Variants in RPRD1B observed in about 807,000 individuals in gnomAD.
The protein encoded by RPRD1B is regulation of nuclear pre-mRNA domain-containing protein 1B.
In RPRD1B, 11 loss-of-function variants were observed where a neutral mutation model predicts 41.5. The ratio of observed to expected loss-of-function variants is 0.27; its 90% confidence interval spans 0.17 to 0.44. The LOEUF is 0.44. Ranked by LOEUF, RPRD1B falls within the 20% of genes least tolerant of loss-of-function variation. The pLI is 1.00. For synonymous variants in RPRD1B, 158 were observed against 155.6 expected (o/e 1.02, Z -0.12); for missense variants, 248 against 389.9 (o/e 0.64, Z 3.06).
chr20:38,049,966 A>G (rs570451861), intron 3 of RPRD1B, among the ~76,000 whole-genome samples: 3 of 152,074 alleles, frequency 2.0e-5, no homozygotes, highest in African/African-American at 7.2e-5. Flanking sequence ...CTTCCTTTCC[A>G]TCTGCTGTTA....
chr20:38,065,753 C>T lies in RPRD1B; in HGVS notation c.656-328C>T, dbSNP rs1458885509. The T allele has an allele frequency of 4.2e-5, 8 of 189,992 alleles. No individual in the cohort carries two copies. In the South Asian group the frequency reaches 7.1e-4, roughly 17 times the overall value. 11.8% of individuals were successfully genotyped at this position (189,992 alleles called of 1,614,324 possible). The stretch of plus-strand genomic sequence containing the variant: ...ACTTGCAATTCTCAGAGACAAGGAA[C>T]GATTTTTTCACAGGTGATCTTCAAT... On this transcript the variant is annotated intron_variant, in intron 5 of 6. Coordinates refer to ENST00000373433, the MANE Select transcript of RPRD1B (RefSeq NM_021215.4).
rs555578838 is a variant in RPRD1B at position 38,033,788 on chromosome 20, T to G, written c.-160T>G. The stretch of plus-strand genomic sequence containing the variant: ...TGGCGGCGGCGCGGGCGGCTGTTAC[T>G]GCGGAGACCCATCCCCTCCCCCTTC... On this transcript the variant is annotated 5_prime_UTR_variant, in exon 1 of 7. Transcript: ENST00000373433. 949 of 666,628 alleles carry G rather than the reference T, an allele frequency of 1.4e-3. 6 individuals carry two copies. The African/African-American group carries it at 0.015, about 11-fold the overall frequency. The allele number at this position is 666,628 out of a possible 1,614,324, so 41.3% of individuals were successfully genotyped here. A position where few individuals can be genotyped will look rare whatever the true frequency, so the allele number is the denominator to read the frequency against.
intron 2 of RPRD1B, among the ~76,000 whole-genome samples, chr20:38,045,941 G>A (rs2074116173): frequency 6.6e-6 from 1 of 152,128 alleles, no homozygotes; most frequent in African/African-American, 2.4e-5. Context: ...CTTTAATATG[G>A]CATTCAGGGC....
In RPRD1B at chr20:38,090,518, A is replaced by G; in HGVS notation, c.*643A>G. 1 of 985,970 alleles carries G rather than the reference A, an allele frequency of 1.0e-6. No individual in the cohort carries two copies. Among genetic ancestry groups the G allele is most frequent in the Non-Finnish European group, 1.2e-6 (1 of 829,976 alleles). 61.1% of individuals were successfully genotyped at this position (985,970 alleles called of 1,614,324 possible). Reference sequence around the variant, plus strand: ...AAGATTCAAAGCTAATCTGGAGCATAAAGGCACAGTTCAGAGACAGAATAA... The same window carrying G: ...AAGATTCAAAGCTAATCTGGAGCATGAAGGCACAGTTCAGAGACAGAATAA... On this transcript the variant is annotated 3_prime_UTR_variant, in exon 7 of 7. Coordinates refer to ENST00000373433, the MANE Select transcript of RPRD1B (RefSeq NM_021215.4).
intron 3 of RPRD1B, among the ~76,000 whole-genome samples, chr20:38,055,318 T>C (rs1253400107): frequency 6.6e-6 from 1 of 152,362 alleles, no homozygotes; most frequent in South Asian, 2.1e-4. Flanking sequence ...ATAATTTAGA[T>C]ACATATCAGA....
At chr20:38,088,615 G>C (rs1035878956) in intron 6 of RPRD1B, among the ~76,000 whole-genome samples, 10 of 152,240 alleles carry the variant, frequency 6.6e-5, no homozygotes, top group African/African-American at 2.4e-4. Context: ...ATGGCCTAGG[G>C]TTGTTTTCTA....
intron 4 of RPRD1B, among the ~76,000 whole-genome samples, chr20:38,058,103 A>AG (rs1012473301): frequency 6.7e-6 from 1 of 148,576 alleles, no homozygotes; most frequent in African/African-American, 2.6e-5. Flanking sequence ...GTCTTTACCC[A>AG]TGTGTTTGTG....
chr20:38,067,532 T>C (rs1192848234), intron 6 of RPRD1B, among the ~76,000 whole-genome samples: 1 of 152,222 alleles, frequency 6.6e-6, no homozygotes, highest in Non-Finnish European at 1.5e-5. Context: ...GTATTTGCCT[T>C]TCAGCATGGT....
chr20:38,036,055 C>T (rs1481467106), intron 1 of RPRD1B, among the ~76,000 whole-genome samples: 3 of 152,102 alleles, frequency 2.0e-5, no homozygotes, highest in East Asian at 1.9e-4. Flanking sequence ...TGAGCCACCA[C>T]GCCTGGCCAA....
At chr20:38,089,652 T>A (rs185482029) in intron 6 of RPRD1B, 74 bp from the exon 7 acceptor site, 1 of 1,252,092 alleles carries the variant, frequency 8.0e-7, no homozygotes, top group Admixed American at 1.9e-5. Context: ...CGAGAGTAGC[T>A]GCCCGGCTCC....
intron 3 of RPRD1B, among the ~76,000 whole-genome samples, chr20:38,049,367 C>CTTTTTTTTTTTTTTTTTTT (rs11481142): frequency 2.0e-3 from 186 of 93,376 alleles, no homozygotes; most frequent in Non-Finnish European, 2.6e-3. Flanking sequence ...TTCTTTTTTT[C>CTTTTTTTTTTTTTTTTTTT]TTTTTTTTTT....
chr20:38,067,677 G>C (rs560536629), intron 6 of RPRD1B, among the ~76,000 whole-genome samples: 2 of 152,338 alleles, frequency 1.3e-5, no homozygotes, highest in East Asian at 3.9e-4. Context: ...AGATGGGAAA[G>C]GGCTGTAAAA....
At chr20:38,070,587 T>C in intron 6 of RPRD1B, 1 of 985,456 alleles carries the variant, frequency 1.0e-6, no homozygotes, top group Non-Finnish European at 1.2e-6. Flanking sequence ...GGTTCCTGTC[T>C]TGTCAGCGTG....
At chr20:38,041,276 A>G (rs933302262) in intron 2 of RPRD1B, among the ~76,000 whole-genome samples, 5 of 152,244 alleles carry the variant, frequency 3.3e-5, no homozygotes, top group African/African-American at 1.2e-4. Context: ...ATAAGTAAAT[A>G]TATAAACAGA....
chr20:38,062,834 C>CCCG lies in RPRD1B; in HGVS notation c.656-3245_656-3244insGCC, dbSNP rs1219651354. ...CACCAAATTAAAAGCCAGAGCCCCC[C>CCCG]CCCCTTTTTTTTTTTTTTTGAGATA... On this transcript the variant is annotated intron_variant, in intron 5 of 6. Transcript: ENST00000373433. Among the ~76,000 whole-genome samples, 2 of 98,182 alleles carry CCCG rather than the reference C, an allele frequency of 2.0e-5. 1 individual carries two copies. The highest frequency in any genetic ancestry group is 1.0e-4 in the African/African-American group (2 of 19,980). 64.4% of individuals were successfully genotyped at this position (98,182 alleles called of 152,430 possible). A position where few individuals can be genotyped will look rare whatever the true frequency, so the allele number is the denominator to read the frequency against.
intron 5 of RPRD1B, among the ~76,000 whole-genome samples, chr20:38,065,248 C>A (rs978847132): frequency 3.9e-5 from 6 of 152,174 alleles, no homozygotes; most frequent in African/African-American, 1.4e-4. Context: ...CTTCGAGCCC[C>A]AGCATCTCAG....
intron 4 of RPRD1B, among the ~76,000 whole-genome samples, chr20:38,058,698 A>G (rs2074267910): frequency 6.6e-6 from 1 of 152,122 alleles, no homozygotes; most frequent in Admixed American, 6.6e-5. Flanking sequence ...TGATCAGTCA[A>G]CATATAATTT....
In RPRD1B at chr20:38,090,606, C is replaced by T. The variant is rs1438177329; in HGVS notation, c.*731C>T. ...CTTCAAGTTCCTAGATACAACCTTCCCATGCTGCACTTCTCCACTGTCGGA... is the reference window on the plus strand; with the variant it reads ...CTTCAAGTTCCTAGATACAACCTTCTCATGCTGCACTTCTCCACTGTCGGA... On this transcript the variant is annotated 3_prime_UTR_variant, in exon 7 of 7. Transcript: ENST00000373433. 15 of 985,414 alleles carry T rather than the reference C, an allele frequency of 1.5e-5. No homozygotes were observed. The highest frequency in any genetic ancestry group is 1.7e-5 in the Non-Finnish European group (14 of 829,928). 61.0% of individuals were successfully genotyped at this position (985,414 alleles called of 1,614,324 possible).
In RPRD1B at chr20:38,048,204, G is replaced by A. The variant is rs533501277; in HGVS notation, c.282-144G>A. The A allele has an allele frequency of 3.5e-3, 2,629 of 760,848 alleles. 12 individuals are homozygous for A. Among genetic ancestry groups the A allele is most frequent in the Non-Finnish European group, 4.4e-3 (2,232 of 511,452 alleles). 47.1% of individuals were successfully genotyped at this position (760,848 alleles called of 1,614,324 possible). On this transcript the variant is annotated intron_variant, in intron 2 of 6. Coordinates refer to ENST00000373433, the MANE Select transcript of RPRD1B (RefSeq NM_021215.4). ...TTTGTGGTCAAGTTTTGGGTATCCA[G>A]GTATTACAATATGTACCTTATTTGG...
Sources: allele counts gnomAD v4.1 joint callset (sites outside exome capture counted in the v4.1 genomes callset), GRCh38; gene constraint gnomAD v4.1.1; transcripts MANE v1.5; gene names NCBI Gene and HGNC (gene_info 2026-07-23, HGNC 2026-07-21).